Variants in SEMA5A observed in about 807,000 individuals in gnomAD.
The protein encoded by SEMA5A is semaphorin-5A.
In SEMA5A, 55 loss-of-function variants were observed where a neutral mutation model predicts 135.5. The ratio of observed to expected loss-of-function variants is 0.41; its 90% CI spans 0.33 to 0.51. The LOEUF is 0.51. SEMA5A is among the 20% of genes least tolerant of loss of function. SEMA5A has a pLI of 0.37. For missense variants in SEMA5A, 1,290 were observed against 1,419.9 expected, an observed-to-expected ratio of 0.91 and a Z score of 1.47; for synonymous variants, 580 against 546.5, an observed-to-expected ratio of 1.06 and a Z score of -0.85.
intron 1 of SEMA5A, among the ~76,000 whole-genome samples, chr5:9,527,079 A>C (rs1203765035): frequency 1.3e-5 from 2 of 152,132 alleles, no homozygotes; most frequent in Non-Finnish European, 2.9e-5. Context: ...GGGAAACACA[A>C]GGGATAGTGC....
chr5:9,306,921 T>C (rs1367907495), intron 5 of SEMA5A, among the ~76,000 whole-genome samples: 1 of 152,226 alleles, frequency 6.6e-6, no homozygotes, highest in East Asian at 1.9e-4. Context: ...ATTCAAATGG[T>C]GCTTGGCAAT....
chr5:9,047,333 C>T (rs753582481), intron 21 of SEMA5A, among the ~76,000 whole-genome samples: 3 of 152,152 alleles, frequency 2.0e-5, no homozygotes, highest in Non-Finnish European at 2.9e-5. Context: ...AAGGCTGGGG[C>T]CAGCTGACAT....
intron 2 of SEMA5A, among the ~76,000 whole-genome samples, chr5:9,424,275 C>T (rs963413974): frequency 6.6e-6 from 1 of 152,154 alleles, no homozygotes; most frequent in Non-Finnish European, 1.5e-5. Context: ...TTTGACGATA[C>T]AACAGTGGAG....
At chr5:9,343,616 T>C (rs985933664) in intron 3 of SEMA5A, among the ~76,000 whole-genome samples, 1 of 152,166 alleles carries the variant, frequency 6.6e-6, no homozygotes, top group Non-Finnish European at 1.5e-5. Context: ...ATGGACTTCA[T>C]TTTTGGTTTC....
chr5:9,296,381 T>A (rs1257976531), intron 5 of SEMA5A, among the ~76,000 whole-genome samples: 1 of 152,150 alleles, frequency 6.6e-6, no homozygotes, highest in Non-Finnish European at 1.5e-5. Context: ...GTTTTCTTTT[T>A]AAAGCAGCTA....
At chr5:9,147,269 C>T (rs1742388354) in intron 12 of SEMA5A, among the ~76,000 whole-genome samples, 1 of 152,124 alleles carries the variant, frequency 6.6e-6, no homozygotes, top group South Asian at 2.1e-4. Flanking sequence ...CTCAATAGAA[C>T]CAATGTCTTT....
chr5:9,354,695 G>A (rs944976220), intron 3 of SEMA5A, among the ~76,000 whole-genome samples: 2 of 152,170 alleles, frequency 1.3e-5, no homozygotes, highest in Admixed American at 1.3e-4. Context: ...GAGGGAGGCA[G>A]AATCAATGAA....
intron 1 of SEMA5A, among the ~76,000 whole-genome samples, chr5:9,456,489 G>A (rs1409056976): frequency 4.0e-5 from 6 of 148,168 alleles, no homozygotes; most frequent in African/African-American, 2.7e-5. Context: ...AGAAAAAAAG[G>A]AAGGCTTCTT....
chr5:9,513,068 A>AATAT (rs56269546), intron 1 of SEMA5A, among the ~76,000 whole-genome samples: 8,279 of 143,570 alleles, frequency 0.058, 232 homozygotes, highest in African/African-American at 0.08. Context: ...ATATATATAT[A>AATAT]ATATATATAT....
intron 18 of SEMA5A, among the ~76,000 whole-genome samples, chr5:9,057,455 G>A (rs1361119494): frequency 6.6e-6 from 1 of 152,204 alleles, no homozygotes; most frequent in Non-Finnish European, 1.5e-5. Context: ...CAACATGTAA[G>A]CCAATGTGTA....
chr5:9,478,428 G>T lies in SEMA5A; in HGVS notation c.-174-40576C>A, dbSNP rs1759753183. Among the ~76,000 whole-genome samples, 6 of 152,186 alleles carry T rather than the reference G, an allele frequency of 3.9e-5. No individual in the cohort carries two copies. The South Asian group carries it at 1.2e-3, about 32-fold the overall frequency. On this transcript the variant is annotated intron_variant, in intron 1 of 22. Coordinates refer to ENST00000382496, the MANE Select transcript of SEMA5A (RefSeq NM_003966.3). ...CTTGCACTGTGCACCTGGAAAAGCT[G>T]CAAGAACTCAATGTCAGCTGGTGAA... is the stretch of plus-strand genomic sequence containing the variant.
chr5:9,201,931 G>T (rs1298899979), intron 9 of SEMA5A, 24 bp downstream of exon 9: 2 of 1,603,484 alleles, frequency 1.2e-6, no homozygotes, highest in Non-Finnish European at 1.7e-6. Flanking sequence ...AGAGAGGGGA[G>T]AAAAATTATT....
chr5:9,215,084 A>G (rs186212017), intron 8 of SEMA5A, among the ~76,000 whole-genome samples: 1 of 152,246 alleles, frequency 6.6e-6, no homozygotes, highest in Admixed American at 6.5e-5. Context: ...AAACATGTAA[A>G]ACAGCCCTCT....
At chr5:9,198,930 T>G (rs951694573) in intron 9 of SEMA5A, among the ~76,000 whole-genome samples, 1 of 152,170 alleles carries the variant, frequency 6.6e-6, no homozygotes, top group Admixed American at 6.5e-5. Context: ...AGCCCCCTGC[T>G]AAGCACTTGA....
At chr5:9,107,772 C>T (rs1206229403) in intron 16 of SEMA5A, among the ~76,000 whole-genome samples, 1 of 152,008 alleles carries the variant, frequency 6.6e-6, no homozygotes, top group Non-Finnish European at 1.5e-5. Flanking sequence ...ACAGAGCACT[C>T]AGTGGTTGCA....
chr5:9,456,812 G>A (rs1300047530), intron 1 of SEMA5A, among the ~76,000 whole-genome samples: 1 of 152,164 alleles, frequency 6.6e-6, no homozygotes, highest in East Asian at 1.9e-4. Flanking sequence ...GAACCATTTG[G>A]AAATTGCCAT....
intron 2 of SEMA5A, among the ~76,000 whole-genome samples, chr5:9,383,632 T>G (rs1372738982): frequency 6.6e-6 from 1 of 152,096 alleles, no homozygotes; most frequent in Non-Finnish European, 1.5e-5. Flanking sequence ...CAAGAATGAG[T>G]GCAAATCAAC....
At chr5:9,172,559 T>A (rs1743983058) in intron 11 of SEMA5A, among the ~76,000 whole-genome samples, 1 of 152,166 alleles carries the variant, frequency 6.6e-6, no homozygotes, top group African/African-American at 2.4e-5. Flanking sequence ...TAACTGTACT[T>A]GGGCATTCAA....
chr5:9,136,532 T>G lies in SEMA5A; in HGVS notation c.1571A>C (p.Gln524Pro). 1 of 1,614,166 alleles carries G rather than the reference T, an allele frequency of 6.2e-7. No homozygotes were observed. The highest frequency in any genetic ancestry group is 8.5e-7 in the Non-Finnish European group (1 of 1,180,000). The change falls in exon 13 of 23, where the codon CAG becomes CCG. Residue 524 changes from glutamine (Q) to proline (P), a missense_variant. Physicochemically the swap from Gln to Pro is moderately conservative, Grantham distance 76. This residue lies in a region of SEMA5A where 1,029 missense variants were observed against 1,086.6 expected (regional missense o/e 0.95). Transcript: ENST00000382496. Reference protein sequence around the residue: ...TSLEESLSMTQWEQSISACPT... With the variant: ...TSLEESLSMTPWEQSISACPT... ...ACACGCAGAGATGCTCTGTTCCCAC[T>G]GCGTCATGCTCAGGCTCTCCTCCAG...
Sources: gnomAD v4.1 joint callset for allele counts (sites outside exome capture counted in the v4.1 genomes callset) on GRCh38, gnomAD v4.1.1 for gene constraint, gnomAD v4.1.1 regional missense constraint, MANE v1.5 for transcripts, NCBI Gene and HGNC (gene_info 2026-07-23, HGNC 2026-07-21) for gene names.